Variants in MYH11 observed in about 807,000 individuals in gnomAD.
MYH11 encodes myosin-11.
A neutral mutation model predicts 246.6 loss-of-function variants in MYH11; 80 were observed. The observed-to-expected ratio is 0.32, with a 90% CI of 0.27 to 0.39. The LOEUF (loss-of-function observed/expected upper bound fraction) is 0.39. Among genes scored for constraint, MYH11 ranks in the 10% least tolerant of loss-of-function variants. The probability of loss-of-function intolerance (pLI) is 1.00; values close to 1 mark genes in which losing one functional copy is unlikely to be tolerated. For missense variants in MYH11, 2,158 were observed against 2,546.8 expected, an observed-to-expected ratio of 0.85 and a Z score of 3.29; for synonymous variants, 1,071 against 1,015.5, an observed-to-expected ratio of 1.05 and a Z score of -1.04.
At chr16:15,720,118 C>T in intron 34 of MYH11, 33 bp downstream of exon 34, 1 of 1,613,996 alleles carries the variant, frequency 6.2e-7, no homozygotes, top group Non-Finnish European at 8.5e-7. Context: ...TGCCCTCCCT[C>T]CACCCATGCC....
chr16:15,812,168 G>A (rs899954998), intron 3 of MYH11, among the ~76,000 whole-genome samples: 9 of 152,122 alleles, frequency 5.9e-5, no homozygotes, highest in African/African-American at 1.9e-4. Flanking sequence ...GCAGGGCTCC[G>A]GCTTTGGAGT....
intron 37 of MYH11, chr16:15,717,562 A>G: frequency 1.7e-6 from 1 of 602,080 alleles, no homozygotes; most frequent in Non-Finnish European, 2.9e-6. Context: ...TTGGAAGCAG[A>G]GGCAGGTAAA....
Position 15,735,464 on chromosome 16 carries a change from C to T in MYH11, c.3408G>A (p.Lys1136=). The T allele has an allele frequency of 1.9e-6, 3 of 1,614,112 alleles. No homozygotes were observed. The highest frequency in any genetic ancestry group is 2.5e-6 in the Non-Finnish European group (3 of 1,180,028). The change falls in exon 26 of 41, where the codon AAG becomes AAA. Residue 1136 remains lysine, a synonymous_variant. Coordinates refer to ENST00000300036, the MANE Select transcript of MYH11 (RefSeq NM_002474.3). Reference sequence around the variant, plus strand: ...CGAGGTCTCGCTTCTGCTTTTCAGCCTTGTTCCTGGCGGCCCGCTCTGAGT... The same window carrying T: ...CGAGGTCTCGCTTCTGCTTTTCAGCTTTGTTCCTGGCGGCCCGCTCTGAGT... ...DLDSERAARN[K]AEKQKRDLGE...
intron 9 of MYH11, among the ~76,000 whole-genome samples, chr16:15,766,165 A>G (rs527403567): frequency 6.6e-6 from 1 of 152,274 alleles, no homozygotes; most frequent in African/African-American, 2.4e-5. Flanking sequence ...ACTGGTCTAA[A>G]TGAACAAAGC....
chr16:15,825,962 C>A (rs527831073), intron 2 of MYH11, among the ~76,000 whole-genome samples: 4 of 152,194 alleles, frequency 2.6e-5, no homozygotes, highest in African/African-American at 9.6e-5. Flanking sequence ...AACCACAGAT[C>A]CATCTCTCAG....
chr16:15,782,516 C>T, intron 5 of MYH11, 39 bp from the exon 6 acceptor site: 1 of 1,551,366 alleles, frequency 6.4e-7, no homozygotes. Flanking sequence ...AGAAAGCAAC[C>T]TAGGTCCTGA....
At chr16:15,763,741 T>TCCGCCCCCCCCCCCC in intron 10 of MYH11, 55 bp downstream of exon 10, 4 of 646,854 alleles carry the variant, frequency 6.2e-6, no homozygotes, top group South Asian at 1.4e-5. Flanking sequence ...AAATGTCACC[T>TCCGCCCCCCCCCCCC]CCCCCACCCC....
At chr16:15,842,497 C>T (rs1450179605) in intron 1 of MYH11, among the ~76,000 whole-genome samples, 1 of 151,942 alleles carries the variant, frequency 6.6e-6, no homozygotes, top group Non-Finnish European at 1.5e-5. Flanking sequence ...TGCGGTGGCT[C>T]ACACCTGTAA....
At chr16:15,736,620 T>A (rs2041126592) in intron 25 of MYH11, among the ~76,000 whole-genome samples, 1 of 152,104 alleles carries the variant, frequency 6.6e-6, no homozygotes, top group African/African-American at 2.4e-5. Flanking sequence ...GAGAGATGCT[T>A]TCCCTTCATC....
intron 3 of MYH11, among the ~76,000 whole-genome samples, chr16:15,816,190 G>A (rs768495822): frequency 2.0e-5 from 3 of 152,112 alleles, no homozygotes; most frequent in Non-Finnish European, 4.4e-5. Context: ...CACTATGAAA[G>A]CACTAAGGGG....
chr16:15,716,515 G>GT (rs1286085792), intron 38 of MYH11, among the ~76,000 whole-genome samples: 48 of 151,758 alleles, frequency 3.2e-4, no homozygotes, highest in South Asian at 1.5e-3. Flanking sequence ...GTTTTTTGGG[G>GT]TTTTTTTTGT....
intron 40 of MYH11, among the ~76,000 whole-genome samples, chr16:15,709,767 C>G (rs572482541): frequency 6.6e-6 from 1 of 152,264 alleles, no homozygotes; most frequent in African/African-American, 2.4e-5. Flanking sequence ...CCAAGAAGTC[C>G]CAGGCAAGGA....
chr16:15,718,762 G>A (rs1225476160), intron 36 of MYH11: 1 of 461,556 alleles, frequency 2.2e-6, no homozygotes, highest in African/African-American at 2.0e-5. Context: ...GCATGAAAGC[G>A]CTGACGGAAA....
intron 15 of MYH11, among the ~76,000 whole-genome samples, chr16:15,751,454 C>T (rs1318114755): frequency 3.3e-5 from 5 of 151,202 alleles, no homozygotes; most frequent in Non-Finnish European, 4.4e-5. Context: ...TGAGCTACCG[C>T]GCCCGGCCAT....
chr16:15,753,383 G>A lies in MYH11; in HGVS notation c.1864+11C>T. ...AAAGCAGAACATGGACCCGAGCAGA[G>A]AAGGCCTTACCGTCCTTCCACAGGT... is the stretch of plus-strand genomic sequence containing the variant. On this transcript the variant is annotated intron_variant, in intron 15 of 40. Transcript: ENST00000300036. 2.5e-6 allele frequency: 4 copies of A among 1,610,750 alleles called. No homozygotes were observed. Among genetic ancestry groups the A allele is most frequent in the Non-Finnish European group, 3.4e-6 (4 of 1,176,938 alleles).
At chr16:15,778,237 A>C (rs2042269425) in intron 7 of MYH11, among the ~76,000 whole-genome samples, 2 of 152,216 alleles carry the variant, frequency 1.3e-5, no homozygotes, top group Non-Finnish European at 1.5e-5. Context: ...TCTTCTGGGT[A>C]AACTCTGTTT....
At chr16:15,820,186 T>C (rs1379636091) in intron 3 of MYH11, among the ~76,000 whole-genome samples, 1 of 152,000 alleles carries the variant, frequency 6.6e-6, no homozygotes, top group Non-Finnish European at 1.5e-5. Flanking sequence ...CTACTAAAAA[T>C]ACAAAATTAG....
At position 15,798,622 on chromosome 16, in the gene MYH11, A is replaced by C. The variant is rs750114539; in HGVS notation, c.530+38T>G. On this transcript the variant is annotated intron_variant, in intron 4 of 40. Transcript: ENST00000300036. ...CGACTACAGATTAAAAAAAAAAAAA[A>C]ACAAAAAAAAAACAGAAGAAAAAGC... 144 of 1,179,330 alleles carry C rather than the reference A, an allele frequency of 1.2e-4. 1 individual carries two copies. The highest frequency in any genetic ancestry group is 1.8e-4 in the South Asian group (11 of 62,158). The allele number at this position is 1,179,330 out of a possible 1,614,324, so 73.1% of individuals were successfully genotyped here. A position where few individuals can be genotyped will look rare whatever the true frequency, so the allele number is the denominator to read the frequency against.
chr16:15,805,710 G>A (rs1047316426), intron 3 of MYH11, among the ~76,000 whole-genome samples: 8 of 152,048 alleles, frequency 5.3e-5, no homozygotes, highest in Admixed American at 2.6e-4. Flanking sequence ...CCGGGAGTCC[G>A]AAACCAGCCT....
Sources: gnomAD v4.1 joint callset for allele counts (sites outside exome capture counted in the v4.1 genomes callset) on GRCh38, gnomAD v4.1.1 for gene constraint, MANE v1.5 for transcripts, NCBI Gene and HGNC (gene_info 2026-07-23, HGNC 2026-07-21) for gene names.